Variants in B4GALNT3 observed in about 807,000 individuals in gnomAD.
B4GALNT3 encodes beta-1,4-N-acetyl-galactosaminyltransferase 3.
B4GALNT3 carries 86 observed loss-of-function variants against 120.2 expected under a neutral mutation model. The observed-to-expected ratio is 0.72, with a 90% CI of 0.60 to 0.86. The LOEUF (loss-of-function observed/expected upper bound fraction) is 0.86. Among genes scored for constraint, B4GALNT3 ranks in the 40% least tolerant of loss-of-function variants. The pLI is 0.00. For synonymous variants in B4GALNT3, 518 were observed against 510.4 expected, an observed-to-expected ratio of 1.01 and a Z score of -0.20; for missense variants, 1,167 against 1,298.9, an observed-to-expected ratio of 0.90 and a Z score of 1.56.
At position 561,725 on chromosome 12, in the gene B4GALNT3, A is replaced by C; in HGVS notation, c.*274A>C. Reference sequence around the variant, plus strand: ...AGAACGGGAAGAGCTCCTGAGAAGGACGGGTCAGGAAGGAGAGATCTGACT... The same window carrying C: ...AGAACGGGAAGAGCTCCTGAGAAGGCCGGGTCAGGAAGGAGAGATCTGACT... On this transcript the variant is annotated 3_prime_UTR_variant, in exon 20 of 20. Coordinates refer to ENST00000266383, the MANE Select transcript of B4GALNT3 (RefSeq NM_173593.4). 2.3e-6 allele frequency: 1 copy of C among 426,610 alleles called. No individual in the cohort carries two copies. Among genetic ancestry groups the C allele is most frequent in the Non-Finnish European group, 4.3e-6 (1 of 234,418 alleles). 26.4% of individuals were successfully genotyped at this position (426,610 alleles called of 1,614,324 possible). A position where few individuals can be genotyped will look rare whatever the true frequency, so the allele number is the denominator to read the frequency against.
intron 1 of B4GALNT3, among the ~76,000 whole-genome samples, chr12:533,938 T>C (rs112568522): frequency 6.6e-6 from 1 of 152,142 alleles, no homozygotes; most frequent in South Asian, 2.1e-4. Context: ...GTGCTCTGTG[T>C]TCTGTGTCTG....
intron 15 of B4GALNT3, 28 bp from the exon 16 acceptor site, chr12:557,580 C>A: frequency 6.3e-7 from 1 of 1,592,768 alleles, no homozygotes. Context: ...GTCTGTGTTT[C>A]CTTCTCCTGC....
chr12:506,072 A>G (rs1041424666), intron 1 of B4GALNT3, among the ~76,000 whole-genome samples: 1 of 151,958 alleles, frequency 6.6e-6, no homozygotes, highest in Non-Finnish European at 1.5e-5. Flanking sequence ...CAGTATGCCT[A>G]TAGGTATGTC....
chr12:487,539 C>A (rs1946300953), intron 1 of B4GALNT3, among the ~76,000 whole-genome samples: 1 of 151,852 alleles, frequency 6.6e-6, no homozygotes, highest in Non-Finnish European at 1.5e-5. Flanking sequence ...ATGGTGAAAC[C>A]TGGTTTCTAC....
chr12:524,208 C>A (rs1277014699), intron 1 of B4GALNT3, among the ~76,000 whole-genome samples: 2 of 152,176 alleles, frequency 1.3e-5, no homozygotes, highest in African/African-American at 4.8e-5. Context: ...AAAGCAGATC[C>A]CCATATTCCT....
intron 1 of B4GALNT3, among the ~76,000 whole-genome samples, chr12:531,510 TA>T (rs759337764): frequency 6.6e-6 from 1 of 151,764 alleles, no homozygotes; most frequent in African/African-American, 2.4e-5. Context: ...ATTAACCAAC[TA>T]TGGTGGCATG....
chr12:529,207 G>GTGTCACC (rs1565603664), intron 1 of B4GALNT3, among the ~76,000 whole-genome samples: 1 of 152,094 alleles, frequency 6.6e-6, no homozygotes, highest in East Asian at 1.9e-4. Flanking sequence ...CCCCCTGTAG[G>GTGTCACC]TGTCACCCCC....
chr12:481,473 G>A (rs541925558), intron 1 of B4GALNT3, among the ~76,000 whole-genome samples: 15 of 152,318 alleles, frequency 9.8e-5, no homozygotes, highest in Admixed American at 4.6e-4. Context: ...CTTGATTCTC[G>A]TGGTTTCTCC....
rs555933032 is a variant in B4GALNT3, at chr12:504,462, C to A, written c.170-30704C>A. Among the ~76,000 whole-genome samples the A allele has an allele frequency of 7.2e-5, 11 of 151,768 alleles. 1 individual carries two copies. The highest frequency in any genetic ancestry group is 1.3e-4 in the Admixed American group (2 of 15,268). On this transcript the variant is annotated intron_variant, in intron 1 of 19. Coordinates refer to ENST00000266383, the MANE Select transcript of B4GALNT3 (RefSeq NM_173593.4). ...CACCCCGCAGCCGCCCCCCCGCCCC[C>A]GAACTCTTTTTTTCTGAGATGGCGT...
chr12:506,770 G>A (rs1451571123), intron 1 of B4GALNT3, among the ~76,000 whole-genome samples: 1 of 152,132 alleles, frequency 6.6e-6, no homozygotes, highest in African/African-American at 2.4e-5. Flanking sequence ...CCGAGTAGCT[G>A]GGACTACAGA....
intron 1 of B4GALNT3, among the ~76,000 whole-genome samples, chr12:505,704 A>G (rs1222705309): frequency 1.3e-5 from 2 of 152,046 alleles, no homozygotes; most frequent in African/African-American, 4.8e-5. Context: ...TGTCCTGAAG[A>G]CCCTTGTTTC....
intron 5 of B4GALNT3, 74 bp from the exon 6 acceptor site, chr12:545,295 A>T: frequency 6.5e-7 from 1 of 1,535,944 alleles, no homozygotes; most frequent in Non-Finnish European, 8.8e-7. Context: ...AATCGCTAAG[A>T]CACTCACAAA....
At chr12:509,360 G>A (rs1429571566) in intron 1 of B4GALNT3, among the ~76,000 whole-genome samples, 1 of 152,256 alleles carries the variant, frequency 6.6e-6, no homozygotes, top group African/African-American at 2.4e-5. Flanking sequence ...TGCGCGTGGA[G>A]AGGACAGGAG....
intron 11 of B4GALNT3, 79 bp from the exon 12 acceptor site, chr12:551,984 G>C: frequency 8.9e-7 from 1 of 1,127,884 alleles, no homozygotes; most frequent in Non-Finnish European, 1.4e-6. Flanking sequence ...CCCAGCCAGG[G>C]GCAGGCTTAA....
rs182823321 is a variant in B4GALNT3, at chr12:532,315, A to G, written c.170-2851A>G. 9.6e-4 allele frequency among the ~76,000 whole-genome samples: 146 copies of G among 152,082 alleles called. 1 individual carries two copies. The highest frequency in any genetic ancestry group is 3.4e-3 in the African/African-American group (143 of 41,478). On this transcript the variant is annotated intron_variant, in intron 1 of 19. Coordinates refer to ENST00000266383, the MANE Select transcript of B4GALNT3 (RefSeq NM_173593.4). ...TCACTGAATTTCCTACCTGTAATCCACTCACCTCCCTAAATGGATTTGTCT... is the reference window on the plus strand; with the variant it reads ...TCACTGAATTTCCTACCTGTAATCCGCTCACCTCCCTAAATGGATTTGTCT...
At chr12:476,347 G>A (rs1946185205) in intron 1 of B4GALNT3, among the ~76,000 whole-genome samples, 1 of 152,180 alleles carries the variant, frequency 6.6e-6, no homozygotes, top group Non-Finnish European at 1.5e-5. Context: ...GCTTTTAGAG[G>A]TTAGAGGCTG....
chr12:561,213 C>T (rs1947227665), intron 19 of B4GALNT3, 130 bp from the exon 20 acceptor site: 2 of 659,730 alleles, frequency 3.0e-6, no homozygotes, highest in African/African-American at 1.8e-5. Context: ...GCTTCAAAGC[C>T]CACAGCCGTC....
intron 9 of B4GALNT3, among the ~76,000 whole-genome samples, chr12:549,412 C>T (rs933334534): frequency 2.6e-5 from 4 of 152,248 alleles, no homozygotes; most frequent in Non-Finnish European, 5.9e-5. Context: ...TTGGGATATT[C>T]TTAGAGCAGG....
intron 1 of B4GALNT3, among the ~76,000 whole-genome samples, chr12:491,784 G>A (rs927795800): frequency 6.6e-6 from 1 of 152,002 alleles, no homozygotes; most frequent in African/African-American, 2.4e-5. Context: ...GGCCGGGTGC[G>A]GTGGCTTACG....
Sources: allele counts gnomAD v4.1 joint callset (sites outside exome capture counted in the v4.1 genomes callset), GRCh38; gene constraint gnomAD v4.1.1; transcripts MANE v1.5; gene names NCBI Gene and HGNC (gene_info 2026-07-23, HGNC 2026-07-21).